Variants in DYNLT1 observed in about 807,000 individuals in gnomAD.
DYNLT1 encodes dynein light chain Tctex-type 1, also known as T-complex testis-specific protein 1 homolog.
Under a neutral mutation model 19.6 loss-of-function variants are expected in DYNLT1, and 18 were observed. That is an observed-to-expected ratio of 0.92 (90% CI 0.64 to 1.36). The LOEUF (loss-of-function observed/expected upper bound fraction) is 1.36. DYNLT1 is among the 40% of genes most tolerant of loss of function. The pLI, the probability that DYNLT1 is intolerant of heterozygous loss-of-function variation, is 0.00. For missense variants in DYNLT1, 137 were observed against 139.3 expected, an observed-to-expected ratio of 0.98 and a Z score of 0.08; for synonymous variants, 56 against 44.0, an observed-to-expected ratio of 1.27 and a Z score of -1.07.
chr6:158,638,855 T>A (rs1245134301), intron 2 of DYNLT1, among the ~76,000 whole-genome samples: 1 of 152,204 alleles, frequency 6.6e-6, no homozygotes, highest in African/African-American at 2.4e-5. Flanking sequence ...GCTAAGCTTA[T>A]CATTATGATA....
At chr6:158,641,628 G>C in intron 1 of DYNLT1, 1 of 229,870 alleles carries the variant, frequency 4.4e-6, no homozygotes, top group Non-Finnish European at 8.4e-6. Context: ...CTGGAATGCA[G>C]TGGCGCAATC....
At chr6:158,637,427 T>C in intron 3 of DYNLT1, 2 of 620,892 alleles carry the variant, frequency 3.2e-6, no homozygotes, top group Non-Finnish European at 5.8e-6. Context: ...TATATGAAAA[T>C]GTAAGTTGCA....
chr6:158,636,761 T>C lies in DYNLT1; in HGVS notation c.*66A>G. 6.6e-7 allele frequency: 1 copy of C among 1,509,358 alleles called. No individual in the cohort carries two copies. The highest frequency in any genetic ancestry group is 9.0e-7 in the Non-Finnish European group (1 of 1,108,266). 93.5% of individuals were successfully genotyped at this position (1,509,358 alleles called of 1,614,324 possible). On this transcript the variant is annotated 3_prime_UTR_variant, in exon 5 of 5. Transcript: ENST00000367089. The stretch of plus-strand genomic sequence containing the variant: ...GAGAATGAGAAAAGAGTTCACTGAA[T>C]TCATGGCTGGTGGTTAGAGGATGAA...
intron 4 of DYNLT1, 85 bp from the exon 5 acceptor site, chr6:158,636,982 C>A: frequency 1.3e-6 from 2 of 1,545,552 alleles, no homozygotes; most frequent in Non-Finnish European, 1.8e-6. Flanking sequence ...ATTCAAGTAC[C>A]CATCTCTATG....
chr6:158,637,725 G>A, intron 3 of DYNLT1, 46 bp downstream of exon 3: 5 of 1,613,908 alleles, frequency 3.1e-6, no homozygotes, highest in Non-Finnish European at 2.5e-6. Context: ...TCTGATCAGT[G>A]TTAAAAAACC....
intron 1 of DYNLT1, chr6:158,642,288 T>C (rs1306508263): frequency 6.6e-6 from 1 of 152,220 alleles, no homozygotes; most frequent in Non-Finnish European, 1.5e-5. Context: ...GAGTATAGTT[T>C]TCCTTTTACA....
rs550087753 is a variant in DYNLT1 at position 158,637,852 on chromosome 6, T to G, written c.112A>C (p.Lys38Gln). 5 of 1,609,560 alleles carry G rather than the reference T, an allele frequency of 3.1e-6. No homozygotes were observed. In the South Asian group the frequency reaches 4.4e-5, roughly 14 times the overall value. ...ACATTTGTGGTCCACTGGTTCACTT[T>G]GCTGTGTTGATAAGCGTTACCACCA... ...AIGGNAYQHS[K>Q]VNQWTTNVVE... The change falls in exon 3 of 5, where the codon AAA becomes CAA. Residue 38 changes from lysine to glutamine, a missense_variant. Transcript: ENST00000367089.
chr6:158,641,144 A>G (rs1787126385), intron 2 of DYNLT1, among the ~76,000 whole-genome samples, 175 bp downstream of exon 2: 1 of 152,198 alleles, frequency 6.6e-6, no homozygotes, highest in Admixed American at 6.5e-5. Flanking sequence ...AAAATATGTA[A>G]TTTACATAAT....
chr6:158,638,737 G>A (rs1378369493), intron 2 of DYNLT1, among the ~76,000 whole-genome samples: 1 of 152,188 alleles, frequency 6.6e-6, no homozygotes, highest in Non-Finnish European at 1.5e-5. Flanking sequence ...ACAGGCATAA[G>A]CCACAGCACC....
chr6:158,637,589 T>G, intron 3 of DYNLT1, 182 bp downstream of exon 3: 1 of 867,530 alleles, frequency 1.2e-6, no homozygotes, highest in Non-Finnish European at 1.8e-6. Flanking sequence ...ACATACGATC[T>G]GCAATTGTAC....
chr6:158,638,705 A>G (rs1787074703), intron 2 of DYNLT1, among the ~76,000 whole-genome samples: 1 of 152,150 alleles, frequency 6.6e-6, no homozygotes, highest in East Asian at 1.9e-4. Flanking sequence ...CTCCTGCCTC[A>G]GCCTCCTAAA....
At chr6:158,637,934 T>G in intron 2 of DYNLT1, 40 bp from the exon 3 acceptor site, 2 of 1,595,692 alleles carry the variant, frequency 1.3e-6, no homozygotes, top group Non-Finnish European at 8.5e-7. Flanking sequence ...GTTAACCAAA[T>G]GCACCCACAC....
At position 158,637,372 on chromosome 6, in the gene DYNLT1, G is replaced by A. The variant is rs1787032924; in HGVS notation, c.194-167C>T. 3 of 651,670 alleles carry A rather than the reference G, an allele frequency of 4.6e-6. No homozygotes were observed. In the East Asian group the frequency reaches 8.2e-5, roughly 18 times the overall value. The allele number at this position is 651,670 out of a possible 1,614,324, so 40.4% of individuals were successfully genotyped here. Reference sequence around the variant, plus strand: ...CTCACTATATTGACAAATTATAGGTGCTCCTTGACTTACAACATCCCATAA... The same window carrying A: ...CTCACTATATTGACAAATTATAGGTACTCCTTGACTTACAACATCCCATAA... On this transcript the variant is annotated intron_variant, in intron 3 of 4. Coordinates refer to ENST00000367089, the MANE Select transcript of DYNLT1 (RefSeq NM_006519.4).
chr6:158,637,986 T>G, intron 2 of DYNLT1, 92 bp from the exon 3 acceptor site: 2 of 1,540,258 alleles, frequency 1.3e-6, no homozygotes, highest in Admixed American at 2.0e-5. Context: ...AGAAGTGATT[T>G]ATGAAAAGTT....
rs1477398083 is a variant in DYNLT1, at chr6:158,644,720, C to T, written c.-12G>A. On this transcript the variant is annotated 5_prime_UTR_variant, in exon 1 of 5. Coordinates refer to ENST00000367089, the MANE Select transcript of DYNLT1 (RefSeq NM_006519.4). Reference sequence around the variant, plus strand: ...TGGTAGTCTTCCATCTTTCCTCCGGCGCGTCCCCTCCGGCTCCCTGAGTGG... The same window carrying T: ...TGGTAGTCTTCCATCTTTCCTCCGGTGCGTCCCCTCCGGCTCCCTGAGTGG... 3 of 1,611,144 alleles carry T rather than the reference C, an allele frequency of 1.9e-6. No homozygotes were observed. Among genetic ancestry groups the T allele is most frequent in the Non-Finnish European group, 2.5e-6 (3 of 1,179,666 alleles).
intron 2 of DYNLT1, among the ~76,000 whole-genome samples, chr6:158,640,937 T>G (rs1787122952): frequency 6.6e-6 from 1 of 152,226 alleles, no homozygotes; most frequent in Admixed American, 6.5e-5. Context: ...AGTAAGCAAA[T>G]AGGCCCCAAA....
chr6:158,637,351 C>T (rs567681596), intron 3 of DYNLT1, 146 bp from the exon 4 acceptor site: 7 of 695,142 alleles, frequency 1.0e-5, no homozygotes, highest in Non-Finnish European at 1.5e-5. Context: ...CCTTGTCTCA[C>T]TATATTGACA....
chr6:158,640,795 C>G (rs3799195), intron 2 of DYNLT1, among the ~76,000 whole-genome samples: 2 of 152,016 alleles, frequency 1.3e-5, no homozygotes, highest in South Asian at 4.1e-4. Flanking sequence ...CAGCTGTAAA[C>G]TCCAGAAGGG....
intron 1 of DYNLT1, chr6:158,642,423 G>A (rs1237808593): frequency 2.0e-5 from 3 of 152,272 alleles, no homozygotes; most frequent in East Asian, 1.9e-4. Context: ...GGAAAGGTAC[G>A]TAGCTCTGGA....
Sources: gnomAD v4.1 joint callset for allele counts (sites outside exome capture counted in the v4.1 genomes callset) on GRCh38, gnomAD v4.1.1 for gene constraint, MANE v1.5 for transcripts, NCBI Gene and HGNC (gene_info 2026-07-23, HGNC 2026-07-21) for gene names.